ASB18: variants seen among roughly 807,000 people sequenced by gnomAD.
The protein encoded by ASB18 is ankyrin repeat and SOCS box containing 18, also known as ankyrin repeat and SOCS box protein 18.
In ASB18, 33 loss-of-function variants were observed where a neutral mutation model predicts 33.4. The ratio of observed to expected loss-of-function variants is 0.99; its 90% CI spans 0.75 to 1.32. The LOEUF (loss-of-function observed/expected upper bound fraction) is 1.32, where lower values mean the gene tolerates loss of function less well. Among genes scored for constraint, ASB18 ranks in the 40% most tolerant of loss-of-function variants. The pLI is 0.00. For missense variants in ASB18, 694 were observed against 655.5 expected (o/e 1.06, Z -0.64); for synonymous variants, 295 against 307.6 (o/e 0.96, Z 0.43).
rs116359494 is a variant in ASB18, at chr2:236,222,700, G to A, written c.597-7834C>T. 7.0e-3 allele frequency among the ~76,000 whole-genome samples: 1,059 copies of A among 152,218 alleles called. 17 individuals carry two copies. The highest frequency in any genetic ancestry group is 0.025 in the African/African-American group (1,020 of 41,520). The stretch of plus-strand genomic sequence containing the variant: ...CCCTTGGTGCTTTCCTCACGATAGC[G>A]AGTTCATGGGTGATCTGGCTGTTTA... On this transcript the variant is annotated intron_variant, in intron 3 of 5. Coordinates refer to ENST00000409749, the MANE Select transcript of ASB18 (RefSeq NM_212556.4). This position sits in a 1 kb window ranked among gnomAD's most constrained non-coding sequence, Gnocchi z 5.5.
In ASB18 at chr2:236,194,784, T is replaced by A; in HGVS notation, c.*88A>T. The A allele has an allele frequency of 8.5e-7, 1 of 1,182,038 alleles. No individual in the cohort carries two copies. Among genetic ancestry groups the A allele is most frequent in the Non-Finnish European group, 1.2e-6 (1 of 838,170 alleles). The allele number at this position is 1,182,038 out of a possible 1,614,324, so 73.2% of individuals were successfully genotyped here. On this transcript the variant is annotated 3_prime_UTR_variant, in exon 6 of 6. Transcript: ENST00000409749. The surrounding 1 kb of genome is among the most constrained non-coding windows in gnomAD (Gnocchi z 4.5). Reference sequence around the variant, plus strand: ...AAGTGGGAAGGGAACTCCCATCACCTCCATCTGCATCAGGGCACTCTCCAA... The same window carrying A: ...AAGTGGGAAGGGAACTCCCATCACCACCATCTGCATCAGGGCACTCTCCAA...
intron 2 of ASB18, among the ~76,000 whole-genome samples, chr2:236,240,210 G>A (rs1364167597): frequency 6.6e-6 from 1 of 152,138 alleles, no homozygotes; most frequent in East Asian, 1.9e-4. Context: ...GGGAGAGGAG[G>A]CCCAGAAGGG....
rs1283562317 is a variant in ASB18 at position 236,253,249 on chromosome 2, A to AC, written c.205+10891dup. Among the ~76,000 whole-genome samples the AC allele has an allele frequency of 6.6e-6, 1 of 152,218 alleles. No individual in the cohort carries two copies. The highest frequency in any genetic ancestry group is 1.5e-5 in the Non-Finnish European group (1 of 68,036). The stretch of plus-strand genomic sequence containing the variant: ...TGCAAACGCCAGGAAGGGACTGCGG[A>AC]CTGAGGTGTTGTGGAGATGTGGCTT... On this transcript the variant is annotated intron_variant, in intron 1 of 5. Transcript: ENST00000409749. This position sits in a 1 kb window ranked among gnomAD's most constrained non-coding sequence, Gnocchi z 5.4.
In ASB18 at chr2:236,235,334, G is replaced by A. The variant is rs1345274087; in HGVS notation, c.596+2355C>T. The stretch of plus-strand genomic sequence containing the variant: ...CATGCTGTCCAGGTTTGTAGCCTGG[G>A]AGCCAGAGGCTTAATCATATAGCCT... On this transcript the variant is annotated intron_variant, in intron 3 of 5. Coordinates refer to ENST00000409749, the MANE Select transcript of ASB18 (RefSeq NM_212556.4). The surrounding 1 kb of genome is among the most constrained non-coding windows in gnomAD (Gnocchi z 6.2). 6.6e-6 allele frequency among the ~76,000 whole-genome samples: 1 copy of A among 152,214 alleles called. No individual in the cohort carries two copies. Among genetic ancestry groups the A allele is most frequent in the East Asian group, 1.9e-4 (1 of 5,194 alleles).
At position 236,208,905 on chromosome 2, in the gene ASB18, A is replaced by C. The variant is rs555645999; in HGVS notation, c.1101+5457T>G. On this transcript the variant is annotated intron_variant, in intron 4 of 5. Coordinates refer to ENST00000409749, the MANE Select transcript of ASB18 (RefSeq NM_212556.4). This position sits in a 1 kb window ranked among gnomAD's most constrained non-coding sequence, Gnocchi z 7.7. ...ACGCACACCACACTCTCTTCAGCTA[A>C]TGAGGCGGCAGAAAGAAAATTAAGG... Among the ~76,000 whole-genome samples, 1 of 152,166 alleles carries C rather than the reference A, an allele frequency of 6.6e-6. No individual in the cohort carries two copies. Among genetic ancestry groups the C allele is most frequent in the African/African-American group, 2.4e-5 (1 of 41,544 alleles).
chr2:236,194,822 A>T lies in ASB18; in HGVS notation c.*50T>A. ...GGGCACTCTCCAACACACGGCCTCCATGGAAGGTCAGCGAGGAGAACAACA... is the reference window on the plus strand; with the variant it reads ...GGGCACTCTCCAACACACGGCCTCCTTGGAAGGTCAGCGAGGAGAACAACA... On this transcript the variant is annotated 3_prime_UTR_variant, in exon 6 of 6. Coordinates refer to ENST00000409749, the MANE Select transcript of ASB18 (RefSeq NM_212556.4). This position sits in a 1 kb window ranked among gnomAD's most constrained non-coding sequence, Gnocchi z 4.5. 6.6e-7 allele frequency: 1 copy of T among 1,516,454 alleles called. No individual in the cohort carries two copies. 93.9% of individuals were successfully genotyped at this position (1,516,454 alleles called of 1,614,324 possible). A position where few individuals can be genotyped will look rare whatever the true frequency, so the allele number is the denominator to read the frequency against.
chr2:236,212,037 C>T (rs1048140810), intron 4 of ASB18, among the ~76,000 whole-genome samples: 7 of 152,132 alleles, frequency 4.6e-5, no homozygotes, highest in Admixed American at 3.3e-4. Context: ...AGGGAGGCAG[C>T]GGTGGGCAAC....
Position 236,231,716 on chromosome 2 carries a change from G to C in ASB18, c.596+5973C>G, listed in dbSNP as rs1486304525. Among the ~76,000 whole-genome samples, 1 of 152,188 alleles carries C rather than the reference G, an allele frequency of 6.6e-6. No homozygotes were observed. Among genetic ancestry groups the C allele is most frequent in the Admixed American group, 6.5e-5 (1 of 15,278 alleles). On this transcript the variant is annotated intron_variant, in intron 3 of 5. Transcript: ENST00000409749. The surrounding 1 kb of genome is among the most constrained non-coding windows in gnomAD (Gnocchi z 5.5). ...GCCTCCCAAAGTGCTGGGATTACTG[G>C]TGTGATCCACTGCACCTGGCCTAGA...
At position 236,196,271 on chromosome 2, in the gene ASB18, C is replaced by A. The variant is rs2060373140; in HGVS notation, c.1215+1G>T. ...GATGGGCAGAAAGGCAGCCCTCTTG[C>A]CTGGAATACTTCCTCAGGAATCACT... On this transcript the variant is annotated splice_donor_variant, in intron 5 of 5. Transcript: ENST00000409749. LOFTEE classifies it high-confidence loss of function. This position sits in a 1 kb window ranked among gnomAD's most constrained non-coding sequence, Gnocchi z 5.6. 6.5e-7 allele frequency: 1 copy of A among 1,530,774 alleles called. No homozygotes were observed. The highest frequency in any genetic ancestry group is 8.9e-7 in the Non-Finnish European group (1 of 1,127,144). The allele number at this position is 1,530,774 out of a possible 1,614,324, so 94.8% of individuals were successfully genotyped here. A position where few individuals can be genotyped will look rare whatever the true frequency, so the allele number is the denominator to read the frequency against.
intron 4 of ASB18, among the ~76,000 whole-genome samples, chr2:236,201,391 C>A (rs537023230): frequency 6.6e-6 from 1 of 152,088 alleles, no homozygotes; most frequent in African/African-American, 2.4e-5. Flanking sequence ...TGGGTTCACG[C>A]GATCTTCCCA....
Position 236,264,087 on chromosome 2 carries a change from C to A in ASB18, c.205+54G>T. On this transcript the variant is annotated intron_variant, in intron 1 of 5. Transcript: ENST00000409749. This position sits in a 1 kb window ranked among gnomAD's most constrained non-coding sequence, Gnocchi z 5.1. ...CTCTACCTCCAGGATCTGCCCACCC[C>A]ATCAGTGTAACTTAGTAATTAAATC... 5 of 1,525,258 alleles carry A rather than the reference C, an allele frequency of 3.3e-6. No homozygotes were observed. The highest frequency in any genetic ancestry group is 4.5e-6 in the Non-Finnish European group (5 of 1,108,382). 94.5% of individuals were successfully genotyped at this position (1,525,258 alleles called of 1,614,324 possible).
chr2:236,220,572 C>T lies in ASB18; in HGVS notation c.597-5706G>A, dbSNP rs1341453265. On this transcript the variant is annotated intron_variant, in intron 3 of 5. Transcript: ENST00000409749. The surrounding 1 kb of genome is among the most constrained non-coding windows in gnomAD (Gnocchi z 5.1). ...CTTGGCCTTTTTTTTTTTTTTTAAACAACTATTTATCTTTAGTCCCTGAAA... is the reference window on the plus strand; with the variant it reads ...CTTGGCCTTTTTTTTTTTTTTTAAATAACTATTTATCTTTAGTCCCTGAAA... Among the ~76,000 whole-genome samples, 1 of 143,980 alleles carries T rather than the reference C, an allele frequency of 6.9e-6. No individual in the cohort carries two copies. Among genetic ancestry groups the T allele is most frequent in the African/African-American group, 2.6e-5 (1 of 38,266 alleles). 94.5% of individuals were successfully genotyped at this position (143,980 alleles called of 152,430 possible). A position where few individuals can be genotyped will look rare whatever the true frequency, so the allele number is the denominator to read the frequency against.
At position 236,196,182 on chromosome 2, in the gene ASB18, GC is replaced by G; in HGVS notation, c.1215+89del. 1.4e-6 allele frequency: 1 copy of G among 738,396 alleles called. No individual in the cohort carries two copies. 45.7% of individuals were successfully genotyped at this position (738,396 alleles called of 1,614,324 possible). A position where few individuals can be genotyped will look rare whatever the true frequency, so the allele number is the denominator to read the frequency against. ...TCCTTTTTCAGATGTATAATACTTA[GC>G]CGAATATCAGTGCAAAACTCCCCAT... On this transcript the variant is annotated intron_variant, in intron 5 of 5. Transcript: ENST00000409749. This position sits in a 1 kb window ranked among gnomAD's most constrained non-coding sequence, Gnocchi z 5.6.
In ASB18 at chr2:236,200,089, G is replaced by T. The variant is rs190244745; in HGVS notation, c.1102-3704C>A. ...AAGCCAGGCACGGTGGCTCACTCCT[G>T]TAATTCCAGCATTTTGGGAGGCCGA... On this transcript the variant is annotated intron_variant, in intron 4 of 5. Transcript: ENST00000409749. This position sits in a 1 kb window ranked among gnomAD's most constrained non-coding sequence, Gnocchi z 4.2. Among the ~76,000 whole-genome samples, 1 of 152,158 alleles carries T rather than the reference G, an allele frequency of 6.6e-6. No homozygotes were observed. The highest frequency in any genetic ancestry group is 2.4e-5 in the African/African-American group (1 of 41,432).
Position 236,235,801 on chromosome 2 carries a change from C to T in ASB18, c.596+1888G>A, listed in dbSNP as rs2060586246. On this transcript the variant is annotated intron_variant, in intron 3 of 5. Coordinates refer to ENST00000409749, the MANE Select transcript of ASB18 (RefSeq NM_212556.4). This position sits in a 1 kb window ranked among gnomAD's most constrained non-coding sequence, Gnocchi z 6.2. ...GGCTTACTCCTGTGCTCAAGCGATC[C>T]TCCCACCTCAGCCCCCTGAGTAGCT... 6.6e-6 allele frequency among the ~76,000 whole-genome samples: 1 copy of T among 152,212 alleles called. No homozygotes were observed. The highest frequency in any genetic ancestry group is 2.4e-5 in the African/African-American group (1 of 41,454).
rs2060578277 is a variant in ASB18 at position 236,234,023 on chromosome 2, AGTATG to A, written c.596+3661_596+3665del. On this transcript the variant is annotated intron_variant, in intron 3 of 5. Transcript: ENST00000409749. The surrounding 1 kb of genome is among the most constrained non-coding windows in gnomAD (Gnocchi z 4.1). ...ATTATAAAGTTACAATATTCAAGACAGTATGGTATTGGTGTTAAAACAGGCAAATA... is the reference window on the plus strand; with the variant it reads ...ATTATAAAGTTACAATATTCAAGACAGTATTGGTGTTAAAACAGGCAAATA... Among the ~76,000 whole-genome samples the A allele has an allele frequency of 6.6e-6, 1 of 152,244 alleles. No homozygotes were observed. Among genetic ancestry groups the A allele is most frequent in the Non-Finnish European group, 1.5e-5 (1 of 68,046 alleles).
rs546155460 is a variant in ASB18, at chr2:236,262,578, A to T, written c.205+1563T>A. 6.6e-6 allele frequency among the ~76,000 whole-genome samples: 1 copy of T among 152,226 alleles called. No homozygotes were observed. The highest frequency in any genetic ancestry group is 1.5e-5 in the Non-Finnish European group (1 of 68,038). On this transcript the variant is annotated intron_variant, in intron 1 of 5. Coordinates refer to ENST00000409749, the MANE Select transcript of ASB18 (RefSeq NM_212556.4). The surrounding 1 kb of genome is among the most constrained non-coding windows in gnomAD (Gnocchi z 5.2). ...GCCAGAGGGCAAGTGGGACTGATGC[A>T]GTTTGCAGAGATCAGCCTCGGGGGG...
At position 236,228,128 on chromosome 2, in the gene ASB18, G is replaced by A. The variant is rs1413442896; in HGVS notation, c.596+9561C>T. Reference sequence around the variant, plus strand: ...GATGAGTCAAGAACAAAAATTGGAAGTGAATGCAAGGTAGAAATTAATCCA... The same window carrying A: ...GATGAGTCAAGAACAAAAATTGGAAATGAATGCAAGGTAGAAATTAATCCA... On this transcript the variant is annotated intron_variant, in intron 3 of 5. Transcript: ENST00000409749. The surrounding 1 kb of genome is among the most constrained non-coding windows in gnomAD (Gnocchi z 5.1). Among the ~76,000 whole-genome samples the A allele has an allele frequency of 6.6e-6, 1 of 152,246 alleles. No individual in the cohort carries two copies. The highest frequency in any genetic ancestry group is 1.5e-5 in the Non-Finnish European group (1 of 68,040).
In ASB18 at chr2:236,203,992, T is replaced by A. The variant is rs1011933561; in HGVS notation, c.1102-7607A>T. ...GAGCCCAGTGAAGAAGATGTGTCCA[T>A]CTAGGGGAGAGATGGTGGTGGCCTC... On this transcript the variant is annotated intron_variant, in intron 4 of 5. Transcript: ENST00000409749. This position sits in a 1 kb window ranked among gnomAD's most constrained non-coding sequence, Gnocchi z 6.0. 3.3e-5 allele frequency among the ~76,000 whole-genome samples: 5 copies of A among 152,152 alleles called. No individual in the cohort carries two copies. Among genetic ancestry groups the A allele is most frequent in the African/African-American group, 1.2e-4 (5 of 41,450 alleles).
Sources: gnomAD v4.1 joint callset for allele counts (sites outside exome capture counted in the v4.1 genomes callset) on GRCh38, gnomAD v4.1.1 for gene constraint, Gnocchi (gnomAD v3.1) non-coding constraint, MANE v1.5 for transcripts, NCBI Gene and HGNC (gene_info 2026-07-23, HGNC 2026-07-21) for gene names.